Variants in PORCN observed in about 807,000 individuals in gnomAD.
PORCN encodes the protein porcupine O-acyltransferase, also known as protein-serine O-palmitoleoyltransferase porcupine.
A neutral mutation model predicts 43.0 loss-of-function variants in PORCN; 1 was observed. The ratio of observed to expected loss-of-function variants is 0.02; its 90% confidence interval spans 0.01 to 0.11. The LOEUF is 0.11. PORCN is among the 10% of genes least tolerant of loss of function. The probability of loss-of-function intolerance (pLI) is 1.00; values close to 1 mark genes in which losing one functional copy is unlikely to be tolerated. For missense variants in PORCN, 240 were observed against 392.1 expected, an observed-to-expected ratio of 0.61 and a Z score of 3.28; for synonymous variants, 148 against 166.4, an observed-to-expected ratio of 0.89 and a Z score of 0.85.
intron 14 of PORCN, among the ~76,000 whole-genome samples, chrX:48,519,488 G>A (rs888838133): frequency 6.3e-5 from 7 of 111,542 alleles, no homozygotes; most frequent in African/African-American, 2.3e-4. Flanking sequence ...TGGACATCAG[G>A]TAATTTCTAG....
intron 4 of PORCN, 46 bp from the exon 5 acceptor site, chrX:48,512,280 T>G: frequency 8.4e-7 from 1 of 1,193,404 alleles, no homozygotes; most frequent in East Asian, 3.0e-5. Context: ...CTTGCCATGC[T>G]GATCTGCTCT....
Position 48,515,718 on chromosome X carries a change from T to C in PORCN, c.948T>C (p.Tyr316=), listed in dbSNP as rs782549005. 1 of 1,207,509 alleles carries C rather than the reference T, an allele frequency of 8.3e-7. No homozygotes were observed. The highest frequency in any genetic ancestry group is 1.8e-5 in the South Asian group (1 of 56,836). The change falls in exon 11 of 15, where the codon TAT becomes TAC. Residue 316 remains tyrosine, a splice_region_variant and synonymous_variant. Coordinates refer to ENST00000326194, the MANE Select transcript of PORCN (RefSeq NM_203475.3). The part of the protein sequence containing the change: ...NLPMSYWLNN[Y]VFKNALRLGT... ...TATCCCACATCTCTTCCCCTCCAGATGTTTTCAAGAATGCTCTCCGCCTGG... is the reference window on the plus strand; with the variant it reads ...TATCCCACATCTCTTCCCCTCCAGACGTTTTCAAGAATGCTCTCCGCCTGG...
At chrX:48,510,164 A>AT (rs1204989644) in intron 2 of PORCN, among the ~76,000 whole-genome samples, 1 of 110,975 alleles carries the variant, frequency 9.0e-6, no homozygotes, top group Non-Finnish European at 1.9e-5. Flanking sequence ...ACCCCATGCC[A>AT]TGCCACACCG....
In PORCN at chrX:48,514,127, G is replaced by A; in HGVS notation, c.705G>A (p.Arg235=). Residue 235 remains arginine (R), a splice_region_variant and synonymous_variant, in exon 8 of 15, where the codon AGG becomes AGA. Coordinates refer to ENST00000326194, the MANE Select transcript of PORCN (RefSeq NM_203475.3). ...RLLRNKKRKA[R]GTMVRWLRAY... ...CCTTCCTGACCCCTGGGGGCCCTAG[G>A]GGCACCATGGTAAGGTGAGTCTACA... 1 of 1,211,598 alleles carries A rather than the reference G, an allele frequency of 8.3e-7. No homozygotes were observed. The highest frequency in any genetic ancestry group is 1.1e-6 in the Non-Finnish European group (1 of 895,339).
rs781809933 is a variant in PORCN, at chrX:48,511,462, A to G, written c.304A>G (p.Thr102Ala). ...CCATCGAGGCGTCTTCCTATCCGTC[A>G]CCATCCTCATCTACCTACTCATGGG... ...SSHRGVFLSV[T>A]ILIYLLMGEM... Residue 102 changes from threonine (T) to alanine (A), a missense_variant, in exon 3 of 15, where the codon ACC (threonine) becomes GCC (alanine). Thr to Ala is a moderately conservative substitution (Grantham distance 58, BLOSUM62 0). Coordinates refer to ENST00000326194, the MANE Select transcript of PORCN (RefSeq NM_203475.3). The G allele has an allele frequency of 8.3e-7, 1 of 1,210,309 alleles. No homozygotes were observed. Among genetic ancestry groups the G allele is most frequent in the East Asian group, 3.0e-5 (1 of 33,814 alleles).
At chrX:48,516,561 T>C (rs11798609) in intron 13 of PORCN, among the ~76,000 whole-genome samples, 1 of 110,950 alleles carries the variant, frequency 9.0e-6, no homozygotes. Context: ...ACGGGAAGTA[T>C]GGGGGTGATT....
chrX:48,510,857 G>C (rs1323087504), intron 2 of PORCN, among the ~76,000 whole-genome samples: 1 of 110,188 alleles, frequency 9.1e-6, no homozygotes, highest in Non-Finnish European at 1.9e-5. Context: ...TCATGACACT[G>C]TACCCCACAT....
intron 14 of PORCN, 62 bp downstream of exon 14, chrX:48,517,355 C>G: frequency 1.2e-6 from 1 of 836,834 alleles, no homozygotes; most frequent in Non-Finnish European, 1.7e-6. Context: ...GGGGGGAAAC[C>G]ATGAGGACAA....
intron 2 of PORCN, among the ~76,000 whole-genome samples, chrX:48,510,639 A>G (rs1250051140): frequency 9.0e-6 from 1 of 110,811 alleles, no homozygotes; most frequent in Admixed American, 9.5e-5. Flanking sequence ...TTATTTTGAA[A>G]TTTTTCAAAG....
intron 14 of PORCN, among the ~76,000 whole-genome samples, chrX:48,519,758 C>T (rs782360171): frequency 1.3e-4 from 15 of 112,336 alleles, no homozygotes; most frequent in South Asian, 3.6e-4. Flanking sequence ...CACTTTGGGA[C>T]GCCCAGGCAG....
chrX:48,514,010 C>T (rs1453883930), intron 7 of PORCN, 117 bp from the exon 8 acceptor site: 13 of 881,236 alleles, frequency 1.5e-5, no homozygotes, highest in Non-Finnish European at 2.1e-5. Flanking sequence ...TCATAGTTCA[C>T]CTTTTTTGTG....
chrX:48,513,566 C>T (rs1456680605), intron 7 of PORCN, among the ~76,000 whole-genome samples: 1 of 112,577 alleles, frequency 8.9e-6, no homozygotes, highest in Non-Finnish European at 1.9e-5. Flanking sequence ...CCGAATGAGT[C>T]TCCAAAAGGT....
At position 48,510,774 on chromosome X, in the gene PORCN, C is replaced by CATCT. The variant is rs1202765035; in HGVS notation, c.137-501_137-498dup. Among the ~76,000 whole-genome samples, 111 of 109,955 alleles carry CATCT rather than the reference C, an allele frequency of 1.0e-3. No homozygotes were observed. The Middle Eastern group carries it at 0.014, about 14-fold the overall frequency. On this transcript the variant is annotated intron_variant, in intron 2 of 14. Transcript: ENST00000326194. Reference sequence around the variant, plus strand: ...CTATCTATCTATCTGTATATCTATCCATCTATCTATCTATCTATCTATCCA... The same window carrying CATCT: ...CTATCTATCTATCTGTATATCTATCCATCTATCTATCTATCTATCTATCTATCCA...
rs1168479950 is a variant in PORCN at position 48,514,430 on chromosome X, C to T, written c.845+65C>T. 1.7e-5 allele frequency: 20 copies of T among 1,185,378 alleles called. No individual in the cohort carries two copies. The Admixed American group carries it at 2.5e-4, about 15-fold the overall frequency. The stretch of plus-strand genomic sequence containing the variant: ...CCTAGAGGAGCTGCAGGGAGGAGGG[C>T]GGGTGCTCCCAGGGGAGGGAACGGC... On this transcript the variant is annotated intron_variant, in intron 9 of 14. Transcript: ENST00000326194.
intron 7 of PORCN, among the ~76,000 whole-genome samples, chrX:48,513,531 C>T (rs2061691446): frequency 8.9e-6 from 1 of 112,090 alleles, no homozygotes; most frequent in South Asian, 3.7e-4. Context: ...CTCCCCTACT[C>T]CCTGGCTGCT....
chrX:48,511,205 T>TCTCC (rs1205355480), intron 2 of PORCN, 90 bp from the exon 3 acceptor site: 2 of 558,711 alleles, frequency 3.6e-6, no homozygotes, highest in Non-Finnish European at 6.0e-6. Flanking sequence ...TCCCTCTCTC[T>TCTCC]CTCCCTCCCT....
chrX:48,514,765 C>T (rs2061703455), intron 10 of PORCN, 140 bp downstream of exon 10: 1 of 525,565 alleles, frequency 1.9e-6, no homozygotes, highest in African/African-American at 2.3e-5. Context: ...CCTGGGGGGG[C>T]AGATGATAAA....
Position 48,514,327 on chromosome X carries a change from G to A in PORCN, c.807G>A (p.Ala269=). 4 of 1,211,920 alleles carry A rather than the reference G, an allele frequency of 3.3e-6. No homozygotes were observed. The highest frequency in any genetic ancestry group is 2.2e-5 in the Admixed American group (1 of 46,098). The change falls in exon 9 of 15, where the codon GCG becomes GCA. Residue 269 remains alanine (A), a synonymous_variant. Coordinates refer to ENST00000326194, the MANE Select transcript of PORCN (RefSeq NM_203475.3). ...GFLSEATATL[A]GAGFTEEKDH... ...TTTCCGAGGCCACGGCCACGTTGGC[G>A]GGGGCTGGCTTTACCGAGGAGAAGG... is the stretch of plus-strand genomic sequence containing the variant.
At chrX:48,514,741 C>T in intron 10 of PORCN, 116 bp downstream of exon 10, 2 of 577,020 alleles carry the variant, frequency 3.5e-6, no homozygotes, top group East Asian at 6.8e-5. Context: ...CTACCCTTGT[C>T]GAGCTGCAGT....
Sources: gnomAD v4.1 joint callset for allele counts (sites outside exome capture counted in the v4.1 genomes callset) on GRCh38, gnomAD v4.1.1 for gene constraint, MANE v1.5 for transcripts, NCBI Gene and HGNC (gene_info 2026-07-23, HGNC 2026-07-21) for gene names.